DDX60L: variants seen among roughly 807,000 people sequenced by gnomAD.
DDX60L encodes the protein DExD/H-box 60 like.
A neutral mutation model predicts 211.6 loss-of-function variants in DDX60L; 191 were observed. That is an observed-to-expected ratio of 0.90 (90% CI 0.80 to 1.02). The LOEUF (loss-of-function observed/expected upper bound fraction) is 1.02. Ranked by LOEUF, DDX60L falls within the 50% of genes least tolerant of loss-of-function variation. The probability of loss-of-function intolerance (pLI) is 0.00; values close to 1 mark genes in which losing one functional copy is unlikely to be tolerated. For missense variants in DDX60L, 2,007 were observed against 1,984.1 expected (o/e 1.01, Z -0.22); for synonymous variants, 706 against 694.1 (o/e 1.02, Z -0.27).
intron 5 of DDX60L, among the ~76,000 whole-genome samples, chr4:168,459,529 A>G (rs945023100): frequency 1.4e-4 from 22 of 152,190 alleles, no homozygotes; most frequent in Admixed American, 9.2e-4. Context: ...AGGTGGGTGG[A>G]TCACCTGAGG....
At chr4:168,429,197 T>C (rs1579584734) in intron 13 of DDX60L, among the ~76,000 whole-genome samples, 2 of 152,034 alleles carry the variant, frequency 1.3e-5, no homozygotes, top group East Asian at 3.9e-4. Context: ...AAGGCTGGAG[T>C]GCAGTGACAC....
intron 29 of DDX60L, among the ~76,000 whole-genome samples, chr4:168,386,273 A>G (rs923593086): frequency 1.3e-5 from 2 of 152,200 alleles, no homozygotes; most frequent in African/African-American, 4.8e-5. Context: ...TATTTAAGCC[A>G]TTTTCTCTAA....
rs1322470102 is a variant in DDX60L at position 168,415,532 on chromosome 4, C to T, written c.2870-15G>A. On this transcript the variant is annotated splice_polypyrimidine_tract_variant and intron_variant, in intron 21 of 37. Coordinates refer to ENST00000682922, the MANE Select transcript of DDX60L (RefSeq NM_001012967.3). ...TCCACAGAGCACTAGATACGAAGAG[C>T]AAGAATATCCAAATTAATGGACATA... 2 of 1,509,430 alleles carry T rather than the reference C, an allele frequency of 1.3e-6. No individual in the cohort carries two copies. The highest frequency in any genetic ancestry group is 1.8e-6 in the Non-Finnish European group (2 of 1,098,994). The allele number at this position is 1,509,430 out of a possible 1,614,324, so 93.5% of individuals were successfully genotyped here.
chr4:168,442,241 C>T (rs1019604874), intron 9 of DDX60L, among the ~76,000 whole-genome samples: 35 of 152,170 alleles, frequency 2.3e-4, no homozygotes, highest in South Asian at 1.0e-3. Context: ...AAAGGGGTGA[C>T]GGACGGCACC....
chr4:168,357,998 A>T lies in DDX60L; in HGVS notation c.*149T>A, dbSNP rs768780167. On this transcript the variant is annotated 3_prime_UTR_variant, in exon 38 of 38. Coordinates refer to ENST00000682922, the MANE Select transcript of DDX60L (RefSeq NM_001012967.3). Reference sequence around the variant, plus strand: ...TATATTACATAACTTAAAGTCATTCAGTTAGAAAATAGCAGAGCTGATATC... The same window carrying T: ...TATATTACATAACTTAAAGTCATTCTGTTAGAAAATAGCAGAGCTGATATC... 5.0e-4 allele frequency: 337 copies of T among 680,694 alleles called. No homozygotes were observed. The highest frequency in any genetic ancestry group is 2.3e-3 in the East Asian group (81 of 34,870). 42.2% of individuals were successfully genotyped at this position (680,694 alleles called of 1,614,324 possible).
intron 4 of DDX60L, among the ~76,000 whole-genome samples, chr4:168,467,445 C>CAAAAAAAA (rs199648164): frequency 1.6e-4 from 17 of 109,072 alleles, no homozygotes; most frequent in Non-Finnish European, 2.7e-4. Flanking sequence ...GTTTCCATTC[C>CAAAAAAAA]AAAAAAAAAA....
Position 168,375,473 on chromosome 4 carries a change from T to C in DDX60L, c.4537A>G (p.Asn1513Asp). ...EDFKAALYEY[N>D]LAVMKDFASF... is the part of the protein sequence containing the mutation. ...GCAAAATCCTTCATTACTGCCAGGT[T>C]ATACTCATATAAAGCAGCTTTAAAA... The change falls in exon 34 of 38, where the codon AAC (asparagine) becomes GAC (aspartate). Residue 1513 changes from asparagine to aspartate, a missense_variant. By Grantham distance (23) the Asn-to-Asp change is conservative. Coordinates refer to ENST00000682922, the MANE Select transcript of DDX60L (RefSeq NM_001012967.3). 6.2e-7 allele frequency: 1 copy of C among 1,613,120 alleles called. No homozygotes were observed. The highest frequency in any genetic ancestry group is 8.5e-7 in the Non-Finnish European group (1 of 1,179,500).
Position 168,448,753 on chromosome 4 carries a change from T to A in DDX60L, c.1023A>T (p.Leu341Phe). Residue 341 changes from leucine to phenylalanine, a missense_variant, in exon 9 of 38, where the codon TTA becomes TTT. Coordinates refer to ENST00000682922, the MANE Select transcript of DDX60L (RefSeq NM_001012967.3). ...AGCATCCAAAAACGTTTAAGTTGCT[T>A]AAAATGAAATATTCACACCACTTGT... ...KMNKWCEYFI[L>F]SNLNVFGCWN... 6.2e-7 allele frequency: 1 copy of A among 1,606,010 alleles called. No homozygotes were observed. The highest frequency in any genetic ancestry group is 1.1e-5 in the South Asian group (1 of 90,034).
At chr4:168,456,223 T>C in intron 6 of DDX60L, 71 bp from the exon 7 acceptor site, 1 of 894,396 alleles carries the variant, frequency 1.1e-6, no homozygotes, top group African/African-American at 1.8e-5. Flanking sequence ...GTGCTCTTAC[T>C]TGTAAGAAAC....
intron 9 of DDX60L, among the ~76,000 whole-genome samples, chr4:168,443,220 A>C (rs1224545326): frequency 1.1e-4 from 16 of 152,266 alleles, no homozygotes; most frequent in South Asian, 6.2e-4. Context: ...TCAAGAACTA[A>C]GTGAAGAATG....
chr4:168,374,487 CTTAG>C (rs1265106852), intron 34 of DDX60L, among the ~76,000 whole-genome samples: 1 of 152,152 alleles, frequency 6.6e-6, no homozygotes, highest in Non-Finnish European at 1.5e-5. Flanking sequence ...AATTTGGAAG[CTTAG>C]TTACTTTGCA....
At chr4:168,412,653 T>C (rs142804941) in intron 22 of DDX60L, among the ~76,000 whole-genome samples, 1 of 152,282 alleles carries the variant, frequency 6.6e-6, no homozygotes, top group African/African-American at 2.4e-5. Flanking sequence ...CTACTGATTG[T>C]AGAGTCCTCA....
chr4:168,463,767 T>C (rs547447094), intron 4 of DDX60L, among the ~76,000 whole-genome samples: 2 of 152,268 alleles, frequency 1.3e-5, no homozygotes, highest in African/African-American at 2.4e-5. Context: ...TGAACAAATA[T>C]AGACTAGAAT....
chr4:168,402,039 T>G (rs759807027), intron 25 of DDX60L, among the ~76,000 whole-genome samples: 5 of 151,972 alleles, frequency 3.3e-5, no homozygotes, highest in African/African-American at 4.8e-5. Context: ...CCAAAGGAAA[T>G]TTTAAAATGT....
chr4:168,379,639 G>A lies in DDX60L; in HGVS notation c.4221+87C>T. 6.4e-6 allele frequency: 8 copies of A among 1,247,958 alleles called. No individual in the cohort carries two copies. In the South Asian group the frequency reaches 1.1e-4, roughly 18 times the overall value. 77.3% of individuals were successfully genotyped at this position (1,247,958 alleles called of 1,614,324 possible). A position where few individuals can be genotyped will look rare whatever the true frequency, so the allele number is the denominator to read the frequency against. On this transcript the variant is annotated intron_variant, in intron 31 of 37. Transcript: ENST00000682922. Reference sequence around the variant, plus strand: ...ATAAGTAACATTATCATTGAATGCAGATTATAGAAATTTCAGTTGGTTTAG... The same window carrying A: ...ATAAGTAACATTATCATTGAATGCAAATTATAGAAATTTCAGTTGGTTTAG...
intron 30 of DDX60L, among the ~76,000 whole-genome samples, chr4:168,383,963 A>C (rs1291874679): frequency 6.6e-6 from 1 of 152,190 alleles, no homozygotes. Context: ...GGTGGGCACC[A>C]TCTAATCAGC....
chr4:168,420,608 A>G (rs1257771789), intron 17 of DDX60L, among the ~76,000 whole-genome samples: 1 of 103,226 alleles, frequency 9.7e-6, no homozygotes, highest in Non-Finnish European at 2.0e-5. Flanking sequence ...AAACACACAC[A>G]CACATACACA....
chr4:168,470,255 G>A (rs1758572109), intron 4 of DDX60L: 1 of 152,162 alleles, frequency 6.6e-6, no homozygotes, highest in Non-Finnish European at 1.5e-5. Context: ...GAAAAGCTTT[G>A]GCAGTTTTAT....
chr4:168,413,513 T>C lies in DDX60L; in HGVS notation c.2979+1895A>G, dbSNP rs150542180. On this transcript the variant is annotated intron_variant, in intron 22 of 37. Coordinates refer to ENST00000682922, the MANE Select transcript of DDX60L (RefSeq NM_001012967.3). ...GTGATATATAATATCAATAGAATGA[T>C]AGCAGGATCCTATTAGATAAATTTA... Among the ~76,000 whole-genome samples the C allele has an allele frequency of 4.2e-3, 636 of 152,072 alleles. 4 individuals carry two copies. The highest frequency in any genetic ancestry group is 0.012 in the African/African-American group (480 of 41,494).
Sources: allele counts gnomAD v4.1 joint callset (sites outside exome capture counted in the v4.1 genomes callset), GRCh38; gene constraint gnomAD v4.1.1; transcripts MANE v1.5; gene names NCBI Gene and HGNC (gene_info 2026-07-23, HGNC 2026-07-21).